Variants in TMEM232 observed in about 807,000 individuals in gnomAD.
TMEM232 encodes the protein transmembrane protein 232.
Under a neutral mutation model 78.8 loss-of-function variants are expected in TMEM232, and 80 were observed. The observed-to-expected ratio is 1.01, with a 90% CI of 0.85 to 1.22. The LOEUF (loss-of-function observed/expected upper bound fraction) is 1.22, where lower values mean the gene tolerates loss of function less well. Ranked by LOEUF, TMEM232 falls within the 50% of genes most tolerant of loss-of-function variation. The pLI, the probability that TMEM232 is intolerant of heterozygous loss-of-function variation, is 0.00. For synonymous variants in TMEM232, 297 were observed against 254.3 expected (o/e 1.17, Z -1.60); for missense variants, 881 against 742.2 (o/e 1.19, Z -2.17).
rs147169345 is a variant in TMEM232 at position 110,688,699 on chromosome 5, G to T, written c.-12-21335C>A. ...TGTTGATGCATGAGCACTGTGAAAG[G>T]AAATTAAATTTTGGGACCCCAAACT... is the stretch of plus-strand genomic sequence containing the variant. On this transcript the variant is annotated intron_variant, in intron 1 of 13. Coordinates refer to ENST00000455884, the MANE Select transcript of TMEM232 (RefSeq NM_001039763.4). Among the ~76,000 whole-genome samples the T allele has an allele frequency of 3.2e-3, 483 of 152,276 alleles. 1 individual carries two copies. Among genetic ancestry groups the T allele is most frequent in the African/African-American group, 0.011 (464 of 41,548 alleles).
At chr5:110,548,254 A>G (rs940528354) in intron 11 of TMEM232, among the ~76,000 whole-genome samples, 3 of 150,990 alleles carry the variant, frequency 2.0e-5, no homozygotes, top group Non-Finnish European at 4.4e-5. Context: ...ACACACACAC[A>G]TACACGAACA....
intron 12 of TMEM232, among the ~76,000 whole-genome samples, chr5:110,512,627 G>T (rs1369417969): frequency 6.6e-6 from 1 of 152,084 alleles, no homozygotes; most frequent in Non-Finnish European, 1.5e-5. Flanking sequence ...ATCTGCCCTG[G>T]ATACGAACGC....
chr5:110,450,693 C>G (rs1359783817), intron 12 of TMEM232, among the ~76,000 whole-genome samples: 1 of 152,146 alleles, frequency 6.6e-6, no homozygotes, highest in African/African-American at 2.4e-5. Flanking sequence ...TGTACCAGTG[C>G]TTTCCAGCAC....
chr5:110,516,559 C>G lies in TMEM232; in HGVS notation c.1703+12029G>C, dbSNP rs184716679. Among the ~76,000 whole-genome samples the G allele has an allele frequency of 2.4e-3, 370 of 151,984 alleles. 1 individual carries two copies. The highest frequency in any genetic ancestry group is 8.6e-3 in the African/African-American group (358 of 41,452). On this transcript the variant is annotated intron_variant, in intron 12 of 13. Coordinates refer to ENST00000455884, the MANE Select transcript of TMEM232 (RefSeq NM_001039763.4). ...ACTATTACATACCTATTTTTTTGGT[C>G]TACAACTTTTATGATAAAGAACCAT...
chr5:110,708,966 T>C (rs939243870), intron 1 of TMEM232, among the ~76,000 whole-genome samples: 2 of 151,944 alleles, frequency 1.3e-5, no homozygotes, highest in African/African-American at 4.8e-5. Context: ...CAAGACCTAA[T>C]GATCTCTCCT....
At chr5:110,488,948 T>C (rs1764744280) in intron 12 of TMEM232, among the ~76,000 whole-genome samples, 1 of 151,756 alleles carries the variant, frequency 6.6e-6, no homozygotes, top group South Asian at 2.1e-4. Context: ...ACAAAACACA[T>C]AACCTGATTG....
intron 12 of TMEM232, among the ~76,000 whole-genome samples, chr5:110,443,196 G>A (rs1188257092): frequency 6.6e-6 from 1 of 152,162 alleles, no homozygotes. Context: ...CTCCTGGGAA[G>A]GTCCAGAGAT....
intron 1 of TMEM232, among the ~76,000 whole-genome samples, chr5:110,693,339 C>T (rs1367912391): frequency 6.6e-6 from 1 of 152,130 alleles, no homozygotes; most frequent in Non-Finnish European, 1.5e-5. Flanking sequence ...GTAGATAAAA[C>T]CACAAAGATG....
chr5:110,437,350 A>G (rs1050474144), intron 12 of TMEM232, among the ~76,000 whole-genome samples: 17 of 152,030 alleles, frequency 1.1e-4, no homozygotes, highest in Non-Finnish European at 2.2e-4. Context: ...CATACAGTGT[A>G]ATTTTATTTA....
At chr5:110,438,413 C>A (rs992697954) in intron 12 of TMEM232, among the ~76,000 whole-genome samples, 1 of 151,788 alleles carries the variant, frequency 6.6e-6, no homozygotes, top group African/African-American at 2.4e-5. Flanking sequence ...TAAATTACCT[C>A]TCCATTCTCA....
At chr5:110,705,846 C>T (rs1325552324) in intron 1 of TMEM232, among the ~76,000 whole-genome samples, 2 of 151,226 alleles carry the variant, frequency 1.3e-5, no homozygotes, top group African/African-American at 2.4e-5. Flanking sequence ...AAGAATGGTA[C>T]TGTCCCCAAA....
At chr5:110,489,242 A>T (rs1764779840) in intron 12 of TMEM232, among the ~76,000 whole-genome samples, 1 of 151,818 alleles carries the variant, frequency 6.6e-6, no homozygotes, top group African/African-American at 2.4e-5. Flanking sequence ...TATATATATT[A>T]TAAATATAGA....
chr5:110,666,421 T>A (rs1362291287), intron 2 of TMEM232, among the ~76,000 whole-genome samples: 1 of 152,176 alleles, frequency 6.6e-6, no homozygotes, highest in Non-Finnish European at 1.5e-5. Context: ...ATTTTCAATT[T>A]TTAAATGCAA....
chr5:110,648,062 T>C lies in TMEM232; in HGVS notation c.126-5691A>G, dbSNP rs140325993. ...TGATAAAGGACTCATATACAGAAGA[T>C]ACAAAGAACTCCCAATAAATAGAAA... On this transcript the variant is annotated intron_variant, in intron 2 of 13. Transcript: ENST00000455884. Among the ~76,000 whole-genome samples the C allele has an allele frequency of 7.0e-3, 1,057 of 151,938 alleles. 20 individuals carry two copies. The highest frequency in any genetic ancestry group is 0.024 in the African/African-American group (977 of 41,476).
At chr5:110,510,098 T>A (rs1259449780) in intron 12 of TMEM232, among the ~76,000 whole-genome samples, 1 of 152,208 alleles carries the variant, frequency 6.6e-6, no homozygotes, top group Non-Finnish European at 1.5e-5. Flanking sequence ...CTCATGTTAC[T>A]GTGCTCCTTC....
intron 12 of TMEM232, among the ~76,000 whole-genome samples, chr5:110,499,344 T>G (rs1447013750): frequency 6.6e-6 from 1 of 152,124 alleles, no homozygotes; most frequent in Non-Finnish European, 1.5e-5. Flanking sequence ...CCCGGCTGAG[T>G]GCAGAGGCCT....
rs149098872 is a variant in TMEM232, at chr5:110,699,899, G to C, written c.-13+26728C>G. ...GGCATAATTCAGAGATAGTGCTAAGGAGTTTCCTGATCCTACCCAAGATCC... is the reference window on the plus strand; with the variant it reads ...GGCATAATTCAGAGATAGTGCTAAGCAGTTTCCTGATCCTACCCAAGATCC... On this transcript the variant is annotated intron_variant, in intron 1 of 13. Coordinates refer to ENST00000455884, the MANE Select transcript of TMEM232 (RefSeq NM_001039763.4). 1.6e-4 allele frequency among the ~76,000 whole-genome samples: 25 copies of C among 152,142 alleles called. No homozygotes were observed. In the East Asian group the frequency reaches 4.6e-3, roughly 28 times the overall value.
intron 9 of TMEM232, among the ~76,000 whole-genome samples, 153 bp downstream of exon 9, chr5:110,606,011 G>A (rs2149831416): frequency 6.6e-6 from 1 of 151,780 alleles, no homozygotes; most frequent in South Asian, 2.1e-4. Context: ...TATGATAAAT[G>A]GTAACTGTGA....
At chr5:110,700,202 G>A (rs1457481550) in intron 1 of TMEM232, among the ~76,000 whole-genome samples, 3 of 151,958 alleles carry the variant, frequency 2.0e-5, no homozygotes, top group South Asian at 2.1e-4. Flanking sequence ...CTGTAAACAG[G>A]ACCAAATGAA....
Sources: allele counts gnomAD v4.1 joint callset (sites outside exome capture counted in the v4.1 genomes callset), GRCh38; gene constraint gnomAD v4.1.1; transcripts MANE v1.5; gene names NCBI Gene and HGNC (gene_info 2026-07-23, HGNC 2026-07-21).